The following MAPK8 variants were observed in gnomAD, a reference collection of about 807,000 sequenced individuals.
MAPK8 encodes the protein JUN N-terminal kinase.
MAPK8 carries 13 observed loss-of-function variants against 52.9 expected under a neutral mutation model. That is an observed-to-expected ratio of 0.25 (90% CI 0.16 to 0.39). MAPK8 has a LOEUF of 0.39. Among genes scored for constraint, MAPK8 ranks in the 10% least tolerant of loss-of-function variants. MAPK8 has a pLI of 1.00. For missense variants in MAPK8, 300 were observed against 519.2 expected, an observed-to-expected ratio of 0.58 and a Z score of 4.10; for synonymous variants, 191 against 169.8, an observed-to-expected ratio of 1.12 and a Z score of -0.97.
intron 1 of MAPK8, among the ~76,000 whole-genome samples, chr10:48,324,502 A>ATTTTTTTTTTTTTTTTTTTTTTT (rs1554810394): frequency 1.8e-5 from 1 of 54,358 alleles, no homozygotes; most frequent in African/African-American, 1.5e-4. Flanking sequence ...CCTGTTTTCT[A>ATTTTTTTTTTTTTTTTTTTTTTT]GTTTTTTTTT....
chr10:48,414,172 T>C (rs1322647938), intron 5 of MAPK8, among the ~76,000 whole-genome samples: 3 of 152,082 alleles, frequency 2.0e-5, no homozygotes, highest in Non-Finnish European at 2.9e-5. Context: ...TTATATAATA[T>C]GTGATATTTT....
chr10:48,344,761 G>T (rs180864334), intron 1 of MAPK8, among the ~76,000 whole-genome samples: 218 of 152,272 alleles, frequency 1.4e-3, no homozygotes, highest in South Asian at 0.011. Context: ...GGGAGACAGT[G>T]TGTTTGTCAA....
At chr10:48,345,058 GTAA>G (rs1845640177) in intron 1 of MAPK8, among the ~76,000 whole-genome samples, 1 of 152,170 alleles carries the variant, frequency 6.6e-6, no homozygotes, top group Admixed American at 6.5e-5. Context: ...ACCAAGAATT[GTAA>G]TAATATAAGA....
At chr10:48,360,522 C>T (rs1274423460) in intron 1 of MAPK8, among the ~76,000 whole-genome samples, 1 of 152,054 alleles carries the variant, frequency 6.6e-6, no homozygotes, top group Non-Finnish European at 1.5e-5. Flanking sequence ...TTCATAGCAA[C>T]GTTTTTTATC....
intron 1 of MAPK8, among the ~76,000 whole-genome samples, chr10:48,401,190 C>G (rs2042141196): frequency 5.3e-5 from 8 of 152,138 alleles, no homozygotes. Context: ...GAGACTTAAC[C>G]ATTTTTGAAT....
intron 1 of MAPK8, among the ~76,000 whole-genome samples, chr10:48,344,494 A>G (rs1845586254): frequency 6.6e-6 from 1 of 152,214 alleles, no homozygotes; most frequent in Admixed American, 6.5e-5. Flanking sequence ...AGTCCACTGT[A>G]TAGAAGCTGA....
At chr10:48,422,949 G>T (rs1444067531) in intron 6 of MAPK8, among the ~76,000 whole-genome samples, 2 of 152,140 alleles carry the variant, frequency 1.3e-5, no homozygotes, top group Non-Finnish European at 2.9e-5. Context: ...TAAAGGGCAC[G>T]TGTCTTTCTG....
At chr10:48,337,640 C>A (rs528793295) in intron 1 of MAPK8, among the ~76,000 whole-genome samples, 1 of 152,128 alleles carries the variant, frequency 6.6e-6, no homozygotes, top group South Asian at 2.1e-4. Context: ...AAAAATTACA[C>A]ACAGAATCAA....
intron 1 of MAPK8, among the ~76,000 whole-genome samples, chr10:48,367,816 A>T (rs1401072656): frequency 6.6e-6 from 1 of 152,186 alleles, no homozygotes; most frequent in African/African-American, 2.4e-5. Context: ...CATATATTTG[A>T]ACACTTGGAG....
intron 1 of MAPK8, among the ~76,000 whole-genome samples, chr10:48,390,526 C>T (rs1270040277): frequency 6.6e-6 from 1 of 152,164 alleles, no homozygotes; most frequent in Non-Finnish European, 1.5e-5. Context: ...GAATTATTTT[C>T]CAGGGTCTCT....
At chr10:48,399,688 T>C (rs2042061892) in intron 1 of MAPK8, among the ~76,000 whole-genome samples, 1 of 152,212 alleles carries the variant, frequency 6.6e-6, no homozygotes. Context: ...TGAAACACAG[T>C]GTTTTGTTAC....
At chr10:48,330,506 A>G (rs1465006094) in intron 1 of MAPK8, among the ~76,000 whole-genome samples, 1 of 152,220 alleles carries the variant, frequency 6.6e-6, no homozygotes, top group Non-Finnish European at 1.5e-5. Context: ...GCCAGACCAT[A>G]AAGGGATTTG....
intron 1 of MAPK8, among the ~76,000 whole-genome samples, chr10:48,391,649 A>T (rs368501783): frequency 8.5e-5 from 13 of 152,296 alleles, no homozygotes; most frequent in East Asian, 7.7e-4. Context: ...TTTGCAGCAG[A>T]TGCCTGCTAA....
chr10:48,372,539 TG>T (rs2132640628), intron 1 of MAPK8, among the ~76,000 whole-genome samples: 1 of 152,120 alleles, frequency 6.6e-6, no homozygotes, highest in African/African-American at 2.4e-5. Flanking sequence ...AATGACCTGA[TG>T]GAACTGAAAA....
At chr10:48,343,717 C>CT (rs758269527) in intron 1 of MAPK8, among the ~76,000 whole-genome samples, 14 of 152,108 alleles carry the variant, frequency 9.2e-5, no homozygotes, top group Admixed American at 3.3e-4. Flanking sequence ...TTCTTGATTG[C>CT]TTTTTCTCTG....
intron 1 of MAPK8, among the ~76,000 whole-genome samples, chr10:48,389,454 A>G (rs779283661): frequency 3.9e-5 from 6 of 152,166 alleles, no homozygotes; most frequent in Non-Finnish European, 5.9e-5. Context: ...CACTTTGTCC[A>G]TAACTGATTA....
intron 1 of MAPK8, among the ~76,000 whole-genome samples, chr10:48,341,693 G>C (rs1448759159): frequency 6.6e-6 from 1 of 152,222 alleles, no homozygotes; most frequent in African/African-American, 2.4e-5. Flanking sequence ...TAGTGAAGAA[G>C]AGGATTAATT....
intron 1 of MAPK8, among the ~76,000 whole-genome samples, chr10:48,339,814 C>T (rs1306676405): frequency 6.6e-6 from 1 of 152,168 alleles, no homozygotes; most frequent in Non-Finnish European, 1.5e-5. Context: ...TGCAACATCA[C>T]TAATCATCAG....
chr10:48,421,236 A>G (rs1282806421), intron 6 of MAPK8, among the ~76,000 whole-genome samples: 2 of 152,204 alleles, frequency 1.3e-5, no homozygotes, highest in African/African-American at 2.4e-5. Context: ...GCTGAGCTTG[A>G]TTTTCTGAGC....
Sources: allele counts gnomAD v4.1 joint callset (sites outside exome capture counted in the v4.1 genomes callset), GRCh38; gene constraint gnomAD v4.1.1; transcripts MANE v1.5; gene names NCBI Gene and HGNC (gene_info 2026-07-23, HGNC 2026-07-21).